Variants in KCNJ3 observed in about 807,000 individuals in gnomAD.
KCNJ3 encodes the protein G protein-activated inward rectifier potassium channel 1.
A neutral mutation model predicts 39.2 loss-of-function variants in KCNJ3; 4 were observed. That is an observed-to-expected ratio of 0.10 (90% confidence interval 0.05 to 0.23). The LOEUF is 0.23. KCNJ3 is among the 10% of genes least tolerant of loss of function. The pLI is 1.00. For synonymous variants in KCNJ3, 230 were observed against 237.4 expected, an observed-to-expected ratio of 0.97 and a Z score of 0.29; for missense variants, 276 against 634.9, an observed-to-expected ratio of 0.43 and a Z score of 6.08.
At chr2:154,775,077 C>T (rs1426777628) in intron 2 of KCNJ3, among the ~76,000 whole-genome samples, 1 of 151,964 alleles carries the variant, frequency 6.6e-6, no homozygotes, top group Non-Finnish European at 1.5e-5. Flanking sequence ...CCACCATGCC[C>T]GACTAATTTT....
At chr2:154,812,671 GA>G (rs1474669041) in intron 2 of KCNJ3, among the ~76,000 whole-genome samples, 1 of 152,002 alleles carries the variant, frequency 6.6e-6, no homozygotes, top group Non-Finnish European at 1.5e-5. Flanking sequence ...AAAATCTGGG[GA>G]ACTTTCTGTT....
intron 1 of KCNJ3, among the ~76,000 whole-genome samples, chr2:154,702,054 A>G (rs1684907753): frequency 6.6e-6 from 1 of 151,988 alleles, no homozygotes; most frequent in South Asian, 2.1e-4. Flanking sequence ...TTAAGAACTG[A>G]GATTAAGTGA....
intron 2 of KCNJ3, among the ~76,000 whole-genome samples, chr2:154,758,187 A>C (rs561281893): frequency 6.6e-6 from 1 of 152,266 alleles, no homozygotes; most frequent in Non-Finnish European, 1.5e-5. Flanking sequence ...GGAATCTCAG[A>C]ATTTCAGAGT....
At chr2:154,740,386 A>G (rs1325277193) in intron 2 of KCNJ3, among the ~76,000 whole-genome samples, 1 of 152,160 alleles carries the variant, frequency 6.6e-6, no homozygotes, top group South Asian at 2.1e-4. Context: ...CATTTCTGTT[A>G]GTAGAATTTT....
At chr2:154,759,704 A>G (rs576700403) in intron 2 of KCNJ3, among the ~76,000 whole-genome samples, 1 of 152,164 alleles carries the variant, frequency 6.6e-6, no homozygotes, top group African/African-American at 2.4e-5. Flanking sequence ...AATCATATTT[A>G]TATAAGCCCA....
chr2:154,769,278 A>T (rs537121760), intron 2 of KCNJ3, among the ~76,000 whole-genome samples: 1 of 152,208 alleles, frequency 6.6e-6, no homozygotes, highest in South Asian at 2.1e-4. Flanking sequence ...TGTCAAAGGG[A>T]ATGCTTCCAG....
chr2:154,774,304 A>G (rs149061965), intron 2 of KCNJ3, among the ~76,000 whole-genome samples: 10 of 152,284 alleles, frequency 6.6e-5, no homozygotes, highest in Middle Eastern at 3.4e-3. Context: ...AGTCTGCTTC[A>G]TTTCATTTCA....
chr2:154,785,035 G>A (rs527381127), intron 2 of KCNJ3, among the ~76,000 whole-genome samples: 20 of 152,242 alleles, frequency 1.3e-4, no homozygotes, highest in Admixed American at 1.3e-3. Context: ...CTGAATTATG[G>A]TCTAAATGTG....
At chr2:154,832,378 T>C (rs1687379132) in intron 2 of KCNJ3, among the ~76,000 whole-genome samples, 1 of 152,218 alleles carries the variant, frequency 6.6e-6, no homozygotes, top group Non-Finnish European at 1.5e-5. Context: ...GTTTTGAATG[T>C]TTAGTTAATG....
intron 2 of KCNJ3, among the ~76,000 whole-genome samples, chr2:154,821,234 G>A (rs1256371833): frequency 6.6e-6 from 1 of 152,068 alleles, no homozygotes; most frequent in East Asian, 1.9e-4. Flanking sequence ...TCTGGAATGA[G>A]CCAATCCTTC....
intron 2 of KCNJ3, among the ~76,000 whole-genome samples, chr2:154,779,528 T>C (rs1382798433): frequency 1.4e-5 from 2 of 146,702 alleles, no homozygotes; most frequent in South Asian, 2.1e-4. Context: ...TTTTTATATA[T>C]ATAGTTATAT....
intron 2 of KCNJ3, among the ~76,000 whole-genome samples, chr2:154,715,196 G>GAA (rs1191416705): frequency 1.3e-5 from 2 of 152,138 alleles, no homozygotes; most frequent in East Asian, 3.9e-4. Flanking sequence ...AGTTGTTTCA[G>GAA]AAATGGATTT....
chr2:154,730,209 C>T (rs1044871436), intron 2 of KCNJ3, among the ~76,000 whole-genome samples: 7 of 152,054 alleles, frequency 4.6e-5, no homozygotes, highest in Admixed American at 1.3e-4. Flanking sequence ...AATTATCTCT[C>T]CATTGCATTG....
chr2:154,780,059 A>G (rs962481974), intron 2 of KCNJ3, among the ~76,000 whole-genome samples: 1 of 152,192 alleles, frequency 6.6e-6, no homozygotes, highest in Non-Finnish European at 1.5e-5. Context: ...TACTGTGGGA[A>G]TACAGAGAAT....
chr2:154,773,327 A>G (rs923369544), intron 2 of KCNJ3, among the ~76,000 whole-genome samples: 3 of 152,132 alleles, frequency 2.0e-5, no homozygotes, highest in African/African-American at 7.2e-5. Flanking sequence ...TTTTAAGAGC[A>G]TGTGTGTGTG....
chr2:154,710,656 G>A (rs1685089911), intron 2 of KCNJ3, among the ~76,000 whole-genome samples: 1 of 151,934 alleles, frequency 6.6e-6, no homozygotes, highest in South Asian at 2.1e-4. Context: ...TGTATTTTGA[G>A]TTCTATGCTT....
intron 2 of KCNJ3, among the ~76,000 whole-genome samples, chr2:154,809,873 A>G (rs1686977623): frequency 7.0e-6 from 1 of 142,538 alleles, no homozygotes. Context: ...ATGAAATTCT[A>G]TATCATAGAA....
At chr2:154,762,010 T>G (rs1041856284) in intron 2 of KCNJ3, among the ~76,000 whole-genome samples, 6 of 151,960 alleles carry the variant, frequency 3.9e-5, no homozygotes, top group African/African-American at 1.5e-4. Context: ...ATGATGGAAG[T>G]AGAGAATAGA....
intron 2 of KCNJ3, among the ~76,000 whole-genome samples, chr2:154,792,807 T>A (rs534302561): frequency 2.0e-5 from 3 of 152,120 alleles, no homozygotes; most frequent in Non-Finnish European, 4.4e-5. Flanking sequence ...ATTTGCTTAG[T>A]TTATCATGCT....
Sources: allele counts gnomAD v4.1 joint callset (sites outside exome capture counted in the v4.1 genomes callset), GRCh38; gene constraint gnomAD v4.1.1; transcripts MANE v1.5; gene names NCBI Gene and HGNC (gene_info 2026-07-23, HGNC 2026-07-21).